RYR3: variants seen among roughly 807,000 people sequenced by gnomAD.
RYR3 encodes the protein brain ryanodine receptor-calcium release channel.
In RYR3, 207 loss-of-function variants were observed where a neutral mutation model predicts 584.3. The observed-to-expected ratio is 0.35, with a 90% CI of 0.32 to 0.40. The LOEUF is 0.40. RYR3 is among the 10% of genes least tolerant of loss of function. The pLI, the probability that RYR3 is intolerant of heterozygous loss-of-function variation, is 1.00. For synonymous variants in RYR3, 2,416 were observed against 2,248.5 expected (o/e 1.07, Z -2.11); for missense variants, 5,616 against 6,089.2 (o/e 0.92, Z 2.59).
At chr15:33,747,916 G>C (rs540777438) in intron 53 of RYR3, among the ~76,000 whole-genome samples, 198 bp from the exon 54 acceptor site, 1 of 152,148 alleles carries the variant, frequency 6.6e-6, no homozygotes, top group African/African-American at 2.4e-5. Context: ...AGGAAAGACC[G>C]TAGGGTCTTA....
chr15:33,812,267 A>T (rs1291680564), intron 72 of RYR3, among the ~76,000 whole-genome samples: 1 of 152,176 alleles, frequency 6.6e-6, no homozygotes, highest in Non-Finnish European at 1.5e-5. Context: ...CCTGAAGACA[A>T]GCTCATATTT....
chr15:33,825,654 G>T lies in RYR3; in HGVS notation c.11124G>T (p.Gly3708=), dbSNP rs1567253059. 13 of 1,610,418 alleles carry T rather than the reference G, an allele frequency of 8.1e-6. No individual in the cohort carries two copies. Among genetic ancestry groups the T allele is most frequent in the African/African-American group, 8.0e-5 (6 of 74,756 alleles). The change falls in exon 82 of 104, where the codon GGG becomes GGT. Residue 3708 remains glycine, a synonymous_variant. Transcript: ENST00000634891. Reference sequence around the variant, plus strand: ...GGCAGAATAAAGCTGAAGGCCTGGGGATGGTGACTGAAGAAGGAACACGTA... The same window carrying T: ...GGCAGAATAAAGCTGAAGGCCTGGGTATGGTGACTGAAGAAGGAACACGTA... The part of the protein sequence containing the change: ...FERQNKAEGL[G]MVTEEGTLIV...
At chr15:33,649,559 A>G (rs2152683886) in intron 31 of RYR3, among the ~76,000 whole-genome samples, 1 of 152,352 alleles carries the variant, frequency 6.6e-6, no homozygotes, top group Admixed American at 6.5e-5. Flanking sequence ...AGAACAAGAC[A>G]GAGAAAATCT....
chr15:33,550,343 C>T (rs1167892594), intron 10 of RYR3, 27 bp downstream of exon 10: 2 of 1,597,192 alleles, frequency 1.3e-6, no homozygotes, highest in East Asian at 4.5e-5. Context: ...TGGACTTTGA[C>T]CCTGTTCTAA....
chr15:33,369,604 G>A (rs527737617), intron 1 of RYR3, among the ~76,000 whole-genome samples: 5 of 152,020 alleles, frequency 3.3e-5, no homozygotes, highest in African/African-American at 1.2e-4. Flanking sequence ...CTGTCTGTCT[G>A]TCTATCCATC....
chr15:33,836,247 C>A (rs1439549281), intron 87 of RYR3, among the ~76,000 whole-genome samples: 1 of 144,946 alleles, frequency 6.9e-6, no homozygotes, highest in South Asian at 2.1e-4. Context: ...CCTTTTTAAT[C>A]AAATCCCCAG....
intron 1 of RYR3, among the ~76,000 whole-genome samples, chr15:33,370,715 G>A (rs976327621): frequency 2.0e-5 from 3 of 152,158 alleles, no homozygotes; most frequent in African/African-American, 4.8e-5. Flanking sequence ...AGAAAGTCAA[G>A]TAAAGCATCC....
chr15:33,515,091 A>G (rs932605500), intron 3 of RYR3, among the ~76,000 whole-genome samples: 4 of 152,218 alleles, frequency 2.6e-5, no homozygotes, highest in African/African-American at 4.8e-5. Flanking sequence ...AATTTAATAC[A>G]TTCATGTAAT....
In RYR3 at chr15:33,376,029, A is replaced by C. The variant is rs527865695; in HGVS notation, c.51+64933A>C. Among the ~76,000 whole-genome samples the C allele has an allele frequency of 2.6e-5, 4 of 152,262 alleles. No homozygotes were observed. In the South Asian group the frequency reaches 8.3e-4, roughly 32 times the overall value. ...CAGTGAGCCGAGATCGCGCCACTGC[A>C]CTCCAGCCTGGGGAACAGAGTGCGA... On this transcript the variant is annotated intron_variant, in intron 1 of 103. Transcript: ENST00000634891.
chr15:33,837,077 G>A, intron 88 of RYR3, 90 bp downstream of exon 88: 1 of 1,046,564 alleles, frequency 9.6e-7, no homozygotes, highest in South Asian at 1.6e-5. Context: ...CCTTCTGGCA[G>A]GTCACTGATG....
At chr15:33,780,821 A>G (rs1450020729) in intron 65 of RYR3, among the ~76,000 whole-genome samples, 1 of 152,230 alleles carries the variant, frequency 6.6e-6, no homozygotes, top group East Asian at 1.9e-4. Context: ...AAAAGCACCA[A>G]AAGGAAGAGA....
Position 33,838,072 on chromosome 15 carries a change from G to A in RYR3, c.12092G>A (p.Arg4031His), listed in dbSNP as rs1482717144. Residue 4031 changes from arginine to histidine, a missense_variant, in exon 89 of 104, where the codon CGC becomes CAC. Physicochemically the swap from Arg to His is conservative, Grantham distance 29 (BLOSUM62 0). This residue lies in a region of RYR3 where 258 missense variants were observed against 297.3 expected (regional missense o/e 0.87). Coordinates refer to ENST00000634891, the MANE Select transcript of RYR3 (RefSeq NM_001036.6). Reference sequence around the variant, plus strand: ...AATTACTTCGAACCCTACCTAGGACGCATCGAGATCATGGGTGGGGCCAAG... The same window carrying A: ...AATTACTTCGAACCCTACCTAGGACACATCGAGATCATGGGTGGGGCCAAG... ...VLNYFEPYLG[R>H]IEIMGGAKKI... is the part of the protein sequence containing the mutation. 3.1e-6 allele frequency: 5 copies of A among 1,613,978 alleles called. No individual in the cohort carries two copies. The highest frequency in any genetic ancestry group is 2.5e-6 in the Non-Finnish European group (3 of 1,179,896).
intron 38 of RYR3, among the ~76,000 whole-genome samples, chr15:33,693,335 C>A (rs1025220113): frequency 5.3e-5 from 8 of 152,242 alleles, no homozygotes; most frequent in African/African-American, 1.9e-4. Flanking sequence ...GGTCCTGTGC[C>A]CGGCCCTTTG....
At chr15:33,528,831 C>A (rs531556596) in intron 3 of RYR3, among the ~76,000 whole-genome samples, 1 of 152,232 alleles carries the variant, frequency 6.6e-6, no homozygotes, top group African/African-American at 2.4e-5. Context: ...CATGACACCC[C>A]CCTCCCCCAG....
In RYR3 at chr15:33,554,374, C is replaced by G. The variant is rs192294302; in HGVS notation, c.972+4058C>G. 3.4e-3 allele frequency among the ~76,000 whole-genome samples: 509 copies of G among 149,958 alleles called. 3 individuals carry two copies. The highest frequency in any genetic ancestry group is 0.012 in the African/African-American group (487 of 40,494). On this transcript the variant is annotated intron_variant, in intron 10 of 103. Coordinates refer to ENST00000634891, the MANE Select transcript of RYR3 (RefSeq NM_001036.6). ...ACAGTGGTGCGATCTCGACTCACTGCAAGCTCCGCCTCCCGGCTTCACGCC... is the reference window on the plus strand; with the variant it reads ...ACAGTGGTGCGATCTCGACTCACTGGAAGCTCCGCCTCCCGGCTTCACGCC...
intron 51 of RYR3, 93 bp downstream of exon 51, chr15:33,740,088 C>A: frequency 9.3e-7 from 1 of 1,073,598 alleles, no homozygotes; most frequent in Non-Finnish European, 1.4e-6. Context: ...AGCTTTACCT[C>A]TTTCCCTCCT....
At chr15:33,423,248 T>C (rs946423028) in intron 1 of RYR3, among the ~76,000 whole-genome samples, 2 of 152,190 alleles carry the variant, frequency 1.3e-5, no homozygotes, top group Admixed American at 1.3e-4. Flanking sequence ...ATTGAAATTA[T>C]ATAATATTTG....
In RYR3 at chr15:33,550,247, A is replaced by G; in HGVS notation, c.903A>G (p.Gln301=). ...ACTACCTGGCCTTGACAGAAGACCA[A>G]GGCCTTATACTGCAAGACCGGGCAA... The part of the protein sequence containing the change: ...TGHYLALTED[Q]GLILQDRAKS... Residue 301 remains glutamine (Q), a synonymous_variant, in exon 10 of 104, where the codon CAA becomes CAG. Coordinates refer to ENST00000634891, the MANE Select transcript of RYR3 (RefSeq NM_001036.6). 4 of 1,613,810 alleles carry G rather than the reference A, an allele frequency of 2.5e-6. No homozygotes were observed. The highest frequency in any genetic ancestry group is 1.1e-5 in the South Asian group (1 of 91,032).
intron 1 of RYR3, among the ~76,000 whole-genome samples, chr15:33,367,449 G>T (rs915071346): frequency 6.6e-6 from 1 of 152,208 alleles, no homozygotes; most frequent in African/African-American, 2.4e-5. Flanking sequence ...GGAGAAGTCA[G>T]ACTGAATTAA....
Sources: allele counts gnomAD v4.1 joint callset (sites outside exome capture counted in the v4.1 genomes callset), GRCh38; gene constraint gnomAD v4.1.1; regional missense constraint gnomAD v4.1.1; transcripts MANE v1.5; gene names NCBI Gene and HGNC (gene_info 2026-07-23, HGNC 2026-07-21).